The following CTNND2 variants were observed in gnomAD, a reference collection of about 807,000 sequenced individuals.
CTNND2 encodes catenin delta-2.
CTNND2 carries 22 observed loss-of-function variants against 144.4 expected under a neutral mutation model. That is an observed-to-expected ratio of 0.15 (90% confidence interval 0.11 to 0.22). The LOEUF (loss-of-function observed/expected upper bound fraction) is 0.22, where lower values mean the gene tolerates loss of function less well. Ranked by LOEUF, CTNND2 falls within the 10% of genes least tolerant of loss-of-function variation. The probability of loss-of-function intolerance (pLI) is 1.00; values close to 1 mark genes in which losing one functional copy is unlikely to be tolerated. For synonymous variants in CTNND2, 751 were observed against 695.6 expected (o/e 1.08, Z -1.25); for missense variants, 1,353 against 1,618.8 (o/e 0.84, Z 2.82).
intron 2 of CTNND2, among the ~76,000 whole-genome samples, chr5:11,577,150 T>C (rs921842001): frequency 4.6e-5 from 7 of 152,232 alleles, no homozygotes; most frequent in African/African-American, 1.2e-4. Flanking sequence ...AAGAATGACA[T>C]TATCTTCTCA....
intron 5 of CTNND2, among the ~76,000 whole-genome samples, chr5:11,403,694 T>A (rs532186922): frequency 2.0e-5 from 3 of 152,336 alleles, no homozygotes. Context: ...TTAAAGAGGA[T>A]CTGATATATT....
intron 19 of CTNND2, among the ~76,000 whole-genome samples, chr5:10,991,536 A>T (rs969092113): frequency 6.6e-6 from 1 of 152,246 alleles, no homozygotes; most frequent in Non-Finnish European, 1.5e-5. Flanking sequence ...TATGCCATTT[A>T]TATTACTAAA....
At chr5:11,099,168 G>A (rs1197518391) in intron 14 of CTNND2, among the ~76,000 whole-genome samples, 1 of 152,130 alleles carries the variant, frequency 6.6e-6, no homozygotes, top group Non-Finnish European at 1.5e-5. Flanking sequence ...AACAACAAAT[G>A]CCCTCACTTC....
chr5:11,445,964 A>G (rs758690996), intron 3 of CTNND2, among the ~76,000 whole-genome samples: 34 of 152,318 alleles, frequency 2.2e-4, no homozygotes, highest in Non-Finnish European at 4.0e-4. Context: ...ACCTAGATAC[A>G]AATTTTTTGT....
At chr5:11,606,550 C>A (rs993825432) in intron 2 of CTNND2, among the ~76,000 whole-genome samples, 1 of 152,058 alleles carries the variant, frequency 6.6e-6, no homozygotes, top group African/African-American at 2.4e-5. Context: ...AAATGGAAAA[C>A]AAACACTTTG....
chr5:11,609,823 G>A (rs1037353770), intron 2 of CTNND2, among the ~76,000 whole-genome samples: 1 of 152,186 alleles, frequency 6.6e-6, no homozygotes, highest in African/African-American at 2.4e-5. Context: ...TGCATCTGCA[G>A]CTGTGGGATC....
In CTNND2 at chr5:10,987,890, G is replaced by A. The variant is rs569191943; in HGVS notation, c.3343+221C>T. Among the ~76,000 whole-genome samples, 40 of 152,154 alleles carry A rather than the reference G, an allele frequency of 2.6e-4. No individual in the cohort carries two copies. In the South Asian group the frequency reaches 7.3e-3, roughly 28 times the overall value. On this transcript the variant is annotated intron_variant, in intron 20 of 21. Transcript: ENST00000304623. The stretch of plus-strand genomic sequence containing the variant: ...GCTGGGCAAACAAGAGGAAAGGACC[G>A]ATAAAACATGGGTAGAAAACATTTT...
chr5:11,172,742 A>G (rs1399841256), intron 11 of CTNND2, among the ~76,000 whole-genome samples: 1 of 152,186 alleles, frequency 6.6e-6, no homozygotes, highest in African/African-American at 2.4e-5. Context: ...GCTTCCTGGC[A>G]CTACCAAGAA....
intron 1 of CTNND2, among the ~76,000 whole-genome samples, chr5:11,813,261 A>C (rs999076931): frequency 1.3e-5 from 2 of 152,208 alleles, no homozygotes; most frequent in Non-Finnish European, 2.9e-5. Flanking sequence ...CTTGTGTGTA[A>C]GTACACTCCG....
intron 2 of CTNND2, among the ~76,000 whole-genome samples, chr5:11,644,824 T>A (rs1015737998): frequency 2.2e-4 from 33 of 152,174 alleles, no homozygotes; most frequent in African/African-American, 7.7e-4. Flanking sequence ...AGTCAAACTG[T>A]GGATAACTAT....
intron 9 of CTNND2, among the ~76,000 whole-genome samples, chr5:11,323,734 G>A (rs929211160): frequency 2.0e-5 from 3 of 152,172 alleles, no homozygotes; most frequent in African/African-American, 7.2e-5. Flanking sequence ...TGGCAAGACT[G>A]CAATTACATT....
intron 1 of CTNND2, among the ~76,000 whole-genome samples, chr5:11,864,496 G>A (rs1236361238): frequency 1.3e-5 from 2 of 152,096 alleles, no homozygotes; most frequent in African/African-American, 4.8e-5. Context: ...CTCTAGAAAG[G>A]CCACTCAGCT....
At position 11,117,503 on chromosome 5, in the gene CTNND2, C is replaced by A; in HGVS notation, c.2224G>T (p.Ala742Ser). Residue 742 changes from alanine (A) to serine (S), a missense_variant, in exon 13 of 22, where the codon GCC becomes TCC. Coordinates refer to ENST00000304623, the MANE Select transcript of CTNND2 (RefSeq NM_001332.4). ...GCAGACTGGATCACGTACAGCAAGGCATCCGTAAGCCCATCACACTCTCTC... is the reference window on the plus strand; with the variant it reads ...GCAGACTGGATCACGTACAGCAAGGAATCCGTAAGCCCATCACACTCTCTC... ...RMRECDGLTD[A>S]LLYVIQSALG... is the part of the protein sequence containing the mutation. 1 of 1,614,210 alleles carries A rather than the reference C, an allele frequency of 6.2e-7. No homozygotes were observed. Among genetic ancestry groups the A allele is most frequent in the Non-Finnish European group, 8.5e-7 (1 of 1,180,034 alleles).
At position 11,199,555 on chromosome 5, in the gene CTNND2, T is replaced by A; in HGVS notation, c.1868A>T (p.Lys623Met). 1 of 1,614,194 alleles carries A rather than the reference T, an allele frequency of 6.2e-7. No homozygotes were observed. The highest frequency in any genetic ancestry group is 8.5e-7 in the Non-Finnish European group (1 of 1,180,026). ...GGCAATTTTGTTATCATCGTTGGCCTTCCCATACACCAGGTTTCTCAGAGC... is the reference window on the plus strand; with the variant it reads ...GGCAATTTTGTTATCATCGTTGGCCATCCCATACACCAGGTTTCTCAGAGC... ...CGALRNLVYG[K>M]ANDDNKIALK... Residue 623 changes from lysine to methionine, a missense_variant, in exon 11 of 22, where the codon AAG (lysine) becomes ATG (methionine). Physicochemically the swap from Lys to Met is moderately conservative, Grantham distance 95. Coordinates refer to ENST00000304623, the MANE Select transcript of CTNND2 (RefSeq NM_001332.4).
chr5:11,419,835 C>G (rs377041620), intron 3 of CTNND2, among the ~76,000 whole-genome samples: 18 of 152,324 alleles, frequency 1.2e-4, no homozygotes, highest in African/African-American at 4.3e-4. Context: ...CAAATATACT[C>G]TTATTGTCTT....
chr5:10,980,044 AT>A (rs1018641590), intron 21 of CTNND2, among the ~76,000 whole-genome samples: 40 of 152,226 alleles, frequency 2.6e-4, no homozygotes, highest in African/African-American at 9.6e-4. Flanking sequence ...AAAAGTCAAA[AT>A]CGACAAATGG....
intron 3 of CTNND2, among the ~76,000 whole-genome samples, chr5:11,471,244 T>A (rs970895361): frequency 3.3e-5 from 5 of 151,964 alleles, no homozygotes; most frequent in African/African-American, 1.2e-4. Context: ...CCCAAAGTGC[T>A]GGGATTACAG....
intron 9 of CTNND2, among the ~76,000 whole-genome samples, chr5:11,259,217 C>T (rs1488843624): frequency 6.6e-6 from 1 of 152,214 alleles, no homozygotes; most frequent in African/African-American, 2.4e-5. Flanking sequence ...GACTTGCTAA[C>T]TCCCACAAAT....
At chr5:11,470,040 A>G (rs1471681793) in intron 3 of CTNND2, among the ~76,000 whole-genome samples, 2 of 152,322 alleles carry the variant, frequency 1.3e-5, no homozygotes, top group African/African-American at 2.4e-5. Flanking sequence ...TAAATTGCTT[A>G]GTACAGCATA....
Sources: allele counts gnomAD v4.1 joint callset (sites outside exome capture counted in the v4.1 genomes callset), GRCh38; gene constraint gnomAD v4.1.1; transcripts MANE v1.5; gene names NCBI Gene and HGNC (gene_info 2026-07-23, HGNC 2026-07-21).